Variants in CD59 observed in about 807,000 individuals in gnomAD.
CD59 encodes the protein CD59 molecule (CD59 blood group), also known as CD59 glycoprotein.
In CD59, 3 loss-of-function variants were observed where a neutral mutation model predicts 7.0. The ratio of observed to expected loss-of-function variants is 0.43; its 90% confidence interval spans 0.19 to 1.10. The LOEUF is 1.10. Among genes scored for constraint, CD59 ranks in the 50% least tolerant of loss-of-function variants. CD59 has a pLI of 0.29. For missense variants in CD59, 143 were observed against 151.0 expected, an observed-to-expected ratio of 0.95 and a Z score of 0.28; for synonymous variants, 60 against 62.0, an observed-to-expected ratio of 0.97 and a Z score of 0.15.
intron 1 of CD59, among the ~76,000 whole-genome samples, chr11:33,733,172 C>A (rs1854467227): frequency 6.6e-6 from 1 of 152,198 alleles, no homozygotes. Flanking sequence ...AACAGACTCT[C>A]CCCTAGAGCC....
rs374081683 is a variant in CD59, at chr11:33,717,482, G to A, written c.68-11C>T. ...ACTGCAGGCTATGACCTAGAATCAG[G>A]AAGAAAGTCAGGATCTCTTAAAGCA... On this transcript the variant is annotated splice_polypyrimidine_tract_variant and intron_variant, in intron 2 of 3. Coordinates refer to ENST00000642928, the MANE Select transcript of CD59 (RefSeq NM_000611.6). 1.7e-4 allele frequency: 272 copies of A among 1,568,908 alleles called. No homozygotes were observed. Among genetic ancestry groups the A allele is most frequent in the Non-Finnish European group, 2.3e-4 (262 of 1,139,324 alleles).
intron 1 of CD59, among the ~76,000 whole-genome samples, chr11:33,730,881 G>A (rs1245176770): frequency 6.6e-6 from 1 of 152,208 alleles, no homozygotes; most frequent in Non-Finnish European, 1.5e-5. Context: ...ACAGATTGAG[G>A]TCTGCAGTTG....
At position 33,709,564 on chromosome 11, in the gene CD59, C is replaced by T. The variant is rs765228692; in HGVS notation, c.*562G>A. 2 of 167,728 alleles carry T rather than the reference C, an allele frequency of 1.2e-5. No homozygotes were observed. Among genetic ancestry groups the T allele is most frequent in the Non-Finnish European group, 1.3e-5 (1 of 76,014 alleles). The allele number at this position is 167,728 out of a possible 1,614,324, so 10.4% of individuals were successfully genotyped here. ...TTGTACCTCTCTAAGTTTTCATGCC[C>T]TGCTATCTGGAACACTTCCCCACTT... On this transcript the variant is annotated 3_prime_UTR_variant, in exon 4 of 4. Transcript: ENST00000642928.
chr11:33,717,542 A>C, intron 2 of CD59, 71 bp from the exon 3 acceptor site: 3 of 928,486 alleles, frequency 3.2e-6, no homozygotes, highest in Non-Finnish European at 5.3e-6. Flanking sequence ...CACCATCTCC[A>C]TTAATATGGG....
In CD59 at chr11:33,710,045, T is replaced by A. The variant is rs774842026; in HGVS notation, c.*81A>T. 5 of 1,106,746 alleles carry A rather than the reference T, an allele frequency of 4.5e-6. No individual in the cohort carries two copies. The highest frequency in any genetic ancestry group is 6.8e-6 in the Non-Finnish European group (5 of 740,526). 68.6% of individuals were successfully genotyped at this position (1,106,746 alleles called of 1,614,324 possible). On this transcript the variant is annotated 3_prime_UTR_variant, in exon 4 of 4. Transcript: ENST00000642928. ...CCCAACAGGATCCATTTGGAAAATA[T>A]CAAGCCTTTAGAATGTGGCAGCAAG...
chr11:33,734,309 C>CT (rs772639424), intron 1 of CD59, among the ~76,000 whole-genome samples: 15 of 152,260 alleles, frequency 9.9e-5, no homozygotes, highest in South Asian at 2.1e-4. Flanking sequence ...CTCCAAAACT[C>CT]TTTGTGTGAT....
intron 3 of CD59, among the ~76,000 whole-genome samples, chr11:33,710,551 A>T (rs1370050280): frequency 1.3e-5 from 2 of 152,234 alleles, no homozygotes; most frequent in African/African-American, 4.8e-5. Context: ...AGGTCTCATC[A>T]GAGCCAGTAT....
At chr11:33,719,663 C>T (rs1853961841) in intron 2 of CD59, 1 of 152,180 alleles carries the variant, frequency 6.6e-6, no homozygotes, top group Non-Finnish European at 1.5e-5. Flanking sequence ...CAACCTCCTC[C>T]CCAACTTTTT....
rs936240887 is a variant in CD59, at chr11:33,706,023, G to A, written c.*4103C>T. ...AAGGAGGGGAACAGCAACATCCCTA[G>A]GGAAACCGATCACAGAAAGGCAGCT... On this transcript the variant is annotated 3_prime_UTR_variant, in exon 4 of 4. Coordinates refer to ENST00000642928, the MANE Select transcript of CD59 (RefSeq NM_000611.6). 2 of 152,042 alleles carry A rather than the reference G, an allele frequency of 1.3e-5. No individual in the cohort carries two copies. Among genetic ancestry groups the A allele is most frequent in the Non-Finnish European group, 2.9e-5 (2 of 68,040 alleles). 9.4% of individuals were successfully genotyped at this position (152,042 alleles called of 1,614,324 possible).
chr11:33,722,572 G>C, intron 1 of CD59, 109 bp from the exon 2 acceptor site: 1 of 1,535,624 alleles, frequency 6.5e-7, no homozygotes, highest in Non-Finnish European at 8.8e-7. Context: ...AACATTTACA[G>C]GGGGAGTCAA....
rs1326347894 is a variant in CD59 at position 33,729,437 on chromosome 11, T to C, written c.-19+6945A>G. On this transcript the variant is annotated intron_variant, in intron 1 of 3. Coordinates refer to ENST00000642928, the MANE Select transcript of CD59 (RefSeq NM_000611.6). The stretch of plus-strand genomic sequence containing the variant: ...CAAGAAGAGAAAACCAAACACCACA[T>C]GTTCTCACTTGTCAGTGGGAGTTAA... 2.0e-5 allele frequency among the ~76,000 whole-genome samples: 3 copies of C among 151,880 alleles called. No homozygotes were observed. The South Asian group carries it at 6.2e-4, about 32-fold the overall frequency.
chr11:33,716,379 C>A (rs1853791585), intron 3 of CD59, among the ~76,000 whole-genome samples: 1 of 152,128 alleles, frequency 6.6e-6, no homozygotes, highest in Non-Finnish European at 1.5e-5. Context: ...GACATGTTCA[C>A]CATTTCTTGA....
intron 2 of CD59, 96 bp downstream of exon 2, chr11:33,722,283 A>T (rs146501582): frequency 1.1e-6 from 1 of 912,658 alleles, no homozygotes; most frequent in Non-Finnish European, 1.8e-6. Flanking sequence ...AACCAAAGCC[A>T]GGCCTGGAGG....
At chr11:33,710,712 CCTTTT>C (rs1177942992) in intron 3 of CD59, among the ~76,000 whole-genome samples, 2 of 148,730 alleles carry the variant, frequency 1.3e-5, no homozygotes, top group South Asian at 2.1e-4. Flanking sequence ...GGGATTTTTT[CCTTTT>C]CTTTTCTTTT....
At chr11:33,727,066 T>C (rs760451801) in intron 1 of CD59, among the ~76,000 whole-genome samples, 2 of 152,180 alleles carry the variant, frequency 1.3e-5, no homozygotes, top group Non-Finnish European at 2.9e-5. Context: ...CAGGACCAGA[T>C]GGATTAATAG....
chr11:33,728,750 G>C (rs1854330420), intron 1 of CD59, among the ~76,000 whole-genome samples: 1 of 152,200 alleles, frequency 6.6e-6, no homozygotes, highest in Admixed American at 6.5e-5. Context: ...AAGAATGGGA[G>C]AAAATGTTTG....
At chr11:33,717,924 T>C (rs1853874107) in intron 2 of CD59, 1 of 253,800 alleles carries the variant, frequency 3.9e-6, no homozygotes, top group South Asian at 4.8e-5. Context: ...ATGTAAAATG[T>C]CATCACAGAT....
intron 1 of CD59, among the ~76,000 whole-genome samples, chr11:33,731,144 A>C (rs1490555309): frequency 6.6e-6 from 1 of 152,146 alleles, no homozygotes; most frequent in Non-Finnish European, 1.5e-5. Context: ...TTAGTAATTA[A>C]GTTTTGGGGG....
chr11:33,721,203 G>T (rs2133555393), intron 2 of CD59, among the ~76,000 whole-genome samples: 1 of 152,310 alleles, frequency 6.6e-6, no homozygotes, highest in South Asian at 2.1e-4. Context: ...ATCACGGAAG[G>T]TGGGGAAGAA....
Sources: gnomAD v4.1 joint callset for allele counts (sites outside exome capture counted in the v4.1 genomes callset) on GRCh38, gnomAD v4.1.1 for gene constraint, MANE v1.5 for transcripts, NCBI Gene and HGNC (gene_info 2026-07-23, HGNC 2026-07-21) for gene names.